The following ITIH3 variants were observed in gnomAD, a reference collection of about 807,000 sequenced individuals.
ITIH3 encodes inter-alpha-trypsin inhibitor heavy chain 3.
ITIH3 carries 81 observed loss-of-function variants against 96.5 expected under a neutral mutation model. The observed-to-expected ratio is 0.84, with a 90% CI of 0.70 to 1.01. The LOEUF (loss-of-function observed/expected upper bound fraction) is 1.01, where lower values mean the gene tolerates loss of function less well. Among genes scored for constraint, ITIH3 ranks in the 50% least tolerant of loss-of-function variants. The pLI, the probability that ITIH3 is intolerant of heterozygous loss-of-function variation, is 0.00. For synonymous variants in ITIH3, 422 were observed against 445.2 expected (o/e 0.95, Z 0.66); for missense variants, 1,057 against 1,139.3 (o/e 0.93, Z 1.04).
chr3:52,804,837 C>A (rs1239801757), intron 15 of ITIH3, 103 bp downstream of exon 15: 125 of 1,297,524 alleles, frequency 9.6e-5, no homozygotes, highest in Non-Finnish European at 1.4e-4. Context: ...CATGGGGGCA[C>A]ACTTGGGACA....
chr3:52,797,033 C>A, intron 4 of ITIH3, 72 bp from the exon 5 acceptor site: 1 of 1,528,504 alleles, frequency 6.5e-7, no homozygotes, highest in South Asian at 1.2e-5. Flanking sequence ...AGGGCTGGGC[C>A]TGGGGCCGAG....
chr3:52,807,795 TG>T lies in ITIH3; in HGVS notation c.2314del (p.Val772LeufsTer21), dbSNP rs988368185. 1 of 1,612,542 alleles carries T rather than the reference TG, an allele frequency of 6.2e-7. No homozygotes were observed. The highest frequency in any genetic ancestry group is 1.7e-5 in the Admixed American group (1 of 59,790). On this transcript the variant is annotated frameshift_variant, in exon 20 of 22. Coordinates refer to ENST00000449956, the MANE Select transcript of ITIH3 (RefSeq NM_002217.4). LOFTEE classifies it high-confidence loss of function. Reference sequence around the variant, plus strand: ...AGAACATGGTGGTCTCCTTTGGAGATGGGGTTACCTTCGTGGTCGTCCTACA... The same window carrying T: ...AGAACATGGTGGTCTCCTTTGGAGATGGGTTACCTTCGTGGTCGTCCTACA... The part of the protein sequence containing the change: ...RKNMVVSFGD[G>X]VTFVVVLHQV...
At chr3:52,797,736 C>T in intron 5 of ITIH3, 81 bp from the exon 6 acceptor site, 4 of 838,976 alleles carry the variant, frequency 4.8e-6, no homozygotes, top group East Asian at 5.3e-5. Flanking sequence ...CACCACAGAC[C>T]CATCTCATTC....
intron 13 of ITIH3, among the ~76,000 whole-genome samples, chr3:52,803,312 TTTTATTATTA>T (rs1559472801): frequency 1.6e-4 from 19 of 118,258 alleles, no homozygotes; most frequent in African/African-American, 1.2e-3. Flanking sequence ...ATTTATTTTA[TTTTATTATTA>T]TTATTTTTTT....
At position 52,799,902 on chromosome 3, in the gene ITIH3, G is replaced by C. The variant is rs568928822; in HGVS notation, c.1056G>C (p.Lys352Asn). 2.5e-6 allele frequency: 4 copies of C among 1,613,784 alleles called. No homozygotes were observed. The South Asian group carries it at 3.3e-5, about 13-fold the overall frequency. ...TCCAGGAGGCCAGGACGTTTGTGAAGAGCATGGAGGATAAAGGAAGTAAGA... is the reference window on the plus strand; with the variant it reads ...TCCAGGAGGCCAGGACGTTTGTGAACAGCATGGAGGATAAAGGAAGTAAGA... The part of the protein sequence containing the change: ...ENLQEARTFV[K>N]SMEDKGMTNI... The change falls in exon 9 of 22, where the codon AAG becomes AAC. Residue 352 changes from lysine (K) to asparagine (N), a missense_variant. Transcript: ENST00000449956.
intron 4 of ITIH3, 73 bp from the exon 5 acceptor site, chr3:52,797,032 C>G: frequency 6.6e-7 from 1 of 1,521,444 alleles, no homozygotes; most frequent in Non-Finnish European, 8.9e-7. Flanking sequence ...AAGGGCTGGG[C>G]CTGGGGCCGA....
At position 52,800,566 on chromosome 3, in the gene ITIH3, G is replaced by A. The variant is rs371568629; in HGVS notation, c.1104G>A (p.Arg368=). ...GMTNINDGLL[R]GISMLNKARE... ...CCAACATCAATGACGGGCTGCTGAG[G>A]GGCATCAGTATGCTGAACAAGGCCC... is the stretch of plus-strand genomic sequence containing the variant. The change falls in exon 10 of 22, where the codon AGG becomes AGA. Residue 368 remains arginine (R), a synonymous_variant. Coordinates refer to ENST00000449956, the MANE Select transcript of ITIH3 (RefSeq NM_002217.4). The A allele has an allele frequency of 6.4e-6, 10 of 1,559,510 alleles. No individual in the cohort carries two copies. The highest frequency in any genetic ancestry group is 8.7e-6 in the Non-Finnish European group (10 of 1,151,432).
rs368868035 is a variant in ITIH3, at chr3:52,803,893, C to A, written c.1748C>A (p.Ala583Asp). ...GGCGAGGAGAAGGAGAACCTCACGGCCCGGGCCCTGGACCTGTCCCTCAAG... is the reference window on the plus strand; with the variant it reads ...GGCGAGGAGAAGGAGAACCTCACGGACCGGGCCCTGGACCTGTCCCTCAAG... Reference protein sequence around the residue: ...AHGEEKENLTARALDLSLKYH... With the variant: ...AHGEEKENLTDRALDLSLKYH... Residue 583 changes from alanine (A) to aspartate (D), a missense_variant, in exon 14 of 22, where the codon GCC (alanine) becomes GAC (aspartate). Ala to Asp is a moderately radical substitution (Grantham distance 126, BLOSUM62 -2). Coordinates refer to ENST00000449956, the MANE Select transcript of ITIH3 (RefSeq NM_002217.4). 50 of 1,613,910 alleles carry A rather than the reference C, an allele frequency of 3.1e-5. No homozygotes were observed. In the Middle Eastern group the frequency reaches 6.6e-4, roughly 21 times the overall value.
Position 52,808,582 on chromosome 3 carries a change from C to T in ITIH3, c.2574C>T (p.Ala858=). Reference sequence around the variant, plus strand: ...CCCAGAAAGACTACAGAAAGGATGCCAGCATCGGCACGAAGGTTGTCTGCT... The same window carrying T: ...CCCAGAAAGACTACAGAAAGGATGCTAGCATCGGCACGAAGGTTGTCTGCT... The part of the protein sequence containing the change: ...RGSQKDYRKD[A]SIGTKVVCWF... Residue 858 remains alanine (A), a synonymous_variant, in exon 22 of 22, where the codon GCC becomes GCT. Coordinates refer to ENST00000449956, the MANE Select transcript of ITIH3 (RefSeq NM_002217.4). 1 of 1,613,964 alleles carries T rather than the reference C, an allele frequency of 6.2e-7. No homozygotes were observed. The highest frequency in any genetic ancestry group is 8.5e-7 in the Non-Finnish European group (1 of 1,179,878).
chr3:52,802,850 G>T, intron 13 of ITIH3, 44 bp downstream of exon 13: 1 of 1,608,386 alleles, frequency 6.2e-7, no homozygotes, highest in South Asian at 1.1e-5. Context: ...CCCTGGCTGG[G>T]CTCCAATGCA....
rs1699613728 is a variant in ITIH3, at chr3:52,797,034, T to TGGGGCCG, written c.387-70_387-64dup. 21 of 1,528,706 alleles carry TGGGGCCG rather than the reference T, an allele frequency of 1.4e-5. No homozygotes were observed. In the South Asian group the frequency reaches 2.4e-4, roughly 18 times the overall value. The allele number at this position is 1,528,706 out of a possible 1,614,324, so 94.7% of individuals were successfully genotyped here. The stretch of plus-strand genomic sequence containing the variant: ...ATCTCCCTCGCCAAAGGGCTGGGCC[T>TGGGGCCG]GGGGCCGAGGGCCGAGGAAGGGTGG... On this transcript the variant is annotated intron_variant, in intron 4 of 21. Transcript: ENST00000449956.
intron 7 of ITIH3, 127 bp downstream of exon 7, chr3:52,799,218 G>A: frequency 1.5e-6 from 2 of 1,294,262 alleles, no homozygotes; most frequent in Non-Finnish European, 2.2e-6. Context: ...ATGTGGGACA[G>A]CTGATGGCCT....
intron 8 of ITIH3, 54 bp downstream of exon 8, chr3:52,799,542 A>ATT: frequency 1.2e-5 from 13 of 1,097,670 alleles, no homozygotes; most frequent in African/African-American, 3.3e-5. Context: ...GGTGGAAGAG[A>ATT]TTTTTTTTTT....
intron 20 of ITIH3, 41 bp from the exon 21 acceptor site, chr3:52,808,069 C>A: frequency 6.2e-7 from 1 of 1,601,544 alleles, no homozygotes; most frequent in Non-Finnish European, 8.6e-7. Flanking sequence ...TTACCCGTGG[C>A]AATGGCCAGG....
At chr3:52,806,516 C>T (rs1700055654) in intron 18 of ITIH3, 110 bp downstream of exon 18, 1 of 807,484 alleles carries the variant, frequency 1.2e-6, no homozygotes. Flanking sequence ...AAGGCATCAT[C>T]TTCACATGCA....
chr3:52,796,357 G>T (rs1377356545), intron 2 of ITIH3, 124 bp from the exon 3 acceptor site: 1 of 761,658 alleles, frequency 1.3e-6, no homozygotes, highest in Non-Finnish European at 2.2e-6. Flanking sequence ...AGACCTGGAG[G>T]ATGAGGGTTG....
chr3:52,796,825 A>G lies in ITIH3; in HGVS notation c.368A>G (p.Lys123Arg). ...KQYEKAVSQG[K>R]TAGLVKASGR... is the part of the protein sequence containing the mutation. ...TATGAAAAGGCTGTGTCCCAGGGCA[A>G]GACGGCCGGCTTGGTCAAGTAAGTA... is the stretch of plus-strand genomic sequence containing the variant. Residue 123 changes from lysine to arginine, a missense_variant, in exon 4 of 22, where the codon AAG becomes AGG. Lys to Arg is a conservative substitution (Grantham distance 26, BLOSUM62 2). Coordinates refer to ENST00000449956, the MANE Select transcript of ITIH3 (RefSeq NM_002217.4). 1 of 1,609,870 alleles carries G rather than the reference A, an allele frequency of 6.2e-7. No homozygotes were observed.
rs1333599368 is a variant in ITIH3, at chr3:52,797,092, G to A, written c.387-13G>A. The A allele has an allele frequency of 4.4e-6, 7 of 1,605,088 alleles. No homozygotes were observed. Among genetic ancestry groups the A allele is most frequent in the South Asian group, 1.1e-5 (1 of 89,086 alleles). On this transcript the variant is annotated splice_polypyrimidine_tract_variant and intron_variant, in intron 4 of 21. Transcript: ENST00000449956. ...CAGTCTTTGAGGGAGTCACCATCTCGCACCCTGGTCAGGGCCTCTGGGAGG... is the reference window on the plus strand; with the variant it reads ...CAGTCTTTGAGGGAGTCACCATCTCACACCCTGGTCAGGGCCTCTGGGAGG...
Position 52,796,733 on chromosome 3 carries a change from C to T in ITIH3, c.282-6C>T, listed in dbSNP as rs543031670. ...TCTCCCTACCCCCAACTCTCTTTCC[C>T]TGCAGGACCATCGACGGTGTTACCT... On this transcript the variant is annotated splice_polypyrimidine_tract_variant and splice_region_variant and intron_variant, in intron 3 of 21. Transcript: ENST00000449956. 3 of 1,610,198 alleles carry T rather than the reference C, an allele frequency of 1.9e-6. No homozygotes were observed. The highest frequency in any genetic ancestry group is 2.5e-6 in the Non-Finnish European group (3 of 1,178,150).
Sources: allele counts gnomAD v4.1 joint callset (sites outside exome capture counted in the v4.1 genomes callset), GRCh38; gene constraint gnomAD v4.1.1; transcripts MANE v1.5; gene names NCBI Gene and HGNC (gene_info 2026-07-23, HGNC 2026-07-21).